DNM2: variants seen among roughly 807,000 people sequenced by gnomAD.
DNM2 encodes the protein dynamin 2.
Under a neutral mutation model 99.0 loss-of-function variants are expected in DNM2, and 15 were observed. The observed-to-expected ratio is 0.15, with a 90% CI of 0.10 to 0.23. The LOEUF is 0.23. Ranked by LOEUF, DNM2 falls within the 10% of genes least tolerant of loss-of-function variation. The pLI, the probability that DNM2 is intolerant of heterozygous loss-of-function variation, is 1.00. For missense variants in DNM2, 742 were observed against 1,189.4 expected (o/e 0.62, Z 5.53); for synonymous variants, 525 against 481.2 (o/e 1.09, Z -1.19).
At chr19:10,729,164 CAAAAAAAAAAAA>C (rs919370114) in intron 1 of DNM2, among the ~76,000 whole-genome samples, 10 of 44,426 alleles carry the variant, frequency 2.3e-4, no homozygotes, top group Non-Finnish European at 4.0e-4. Flanking sequence ...GACTCCGTCT[CAAAAAAAAAAAA>C]AAAAAAAAAA....
chr19:10,774,251 G>C (rs1412927328), intron 3 of DNM2, among the ~76,000 whole-genome samples: 1 of 152,156 alleles, frequency 6.6e-6, no homozygotes, highest in Non-Finnish European at 1.5e-5. Context: ...GTTGCAGTGA[G>C]CTATGATCAC....
At chr19:10,803,620 G>A in intron 12 of DNM2, 3 of 986,270 alleles carry the variant, frequency 3.0e-6, no homozygotes, top group Non-Finnish European at 3.6e-6. Context: ...GGATTCCTGG[G>A]CCTTCCCACT....
chr19:10,816,899 C>A lies in DNM2; in HGVS notation c.1672-3081C>A, dbSNP rs2146136376. On this transcript the variant is annotated intron_variant, in intron 15 of 20. Transcript: ENST00000389253. The surrounding 1 kb of genome is among the most constrained non-coding windows in gnomAD (Gnocchi z 4.6). The stretch of plus-strand genomic sequence containing the variant: ...GAGTTGAAAGCCAGAGCCCCCGACC[C>A]TCCCGTGGAGCCCCACACTGGAGTC... 6.6e-6 allele frequency among the ~76,000 whole-genome samples: 1 copy of A among 152,360 alleles called. No individual in the cohort carries two copies. The highest frequency in any genetic ancestry group is 1.9e-4 in the East Asian group (1 of 5,176).
At chr19:10,752,242 G>A (rs530300532) in intron 1 of DNM2, among the ~76,000 whole-genome samples, 1 of 152,198 alleles carries the variant, frequency 6.6e-6, no homozygotes, top group African/African-American at 2.4e-5. Context: ...GTGTGTATGT[G>A]TGTGTGGGGT....
At chr19:10,728,675 C>A (rs754315848) in intron 1 of DNM2, among the ~76,000 whole-genome samples, 1 of 152,132 alleles carries the variant, frequency 6.6e-6, no homozygotes, top group Non-Finnish European at 1.5e-5. Flanking sequence ...GGGGCAGGCA[C>A]AGGGGCTCAC....
In DNM2 at chr19:10,802,638, C is replaced by T. The variant is rs537060342; in HGVS notation, c.1493+280C>T. On this transcript the variant is annotated intron_variant, in intron 12 of 20. Coordinates refer to ENST00000389253, the MANE Select transcript of DNM2 (RefSeq NM_001005361.3). ...ATCTGCAGGGAGAGGGGGAAGCCAG[C>T]CAGCTGCTGCACCCCCTCTCCTTCA... The T allele has an allele frequency of 4.1e-4, 203 of 496,812 alleles. 2 individuals are homozygous for T. The highest frequency in any genetic ancestry group is 3.9e-3 in the South Asian group (192 of 49,446). 30.8% of individuals were successfully genotyped at this position (496,812 alleles called of 1,614,324 possible).
In DNM2 at chr19:10,764,351, G is replaced by A. The variant is rs1050424094; in HGVS notation, c.235+4540G>A. Among the ~76,000 whole-genome samples the A allele has an allele frequency of 2.0e-5, 3 of 152,210 alleles. No homozygotes were observed. The highest frequency in any genetic ancestry group is 1.9e-4 in the East Asian group (1 of 5,200). ...TGTCCAAAGACAGGGCCCCCAGGGCGCAGCCCACGTTCCCCTCTGGTTCCC... is the reference window on the plus strand; with the variant it reads ...TGTCCAAAGACAGGGCCCCCAGGGCACAGCCCACGTTCCCCTCTGGTTCCC... On this transcript the variant is annotated intron_variant, in intron 2 of 20. Transcript: ENST00000389253. This position sits in a 1 kb window ranked among gnomAD's most constrained non-coding sequence, Gnocchi z 4.1.
rs531170486 is a variant in DNM2, at chr19:10,831,069, C to T, written c.*22C>T. The T allele has an allele frequency of 1.5e-4, 234 of 1,585,222 alleles. 2 individuals are homozygous for T. The South Asian group carries it at 2.5e-3, about 17-fold the overall frequency. ...CTAGGCCTCGAGGGGGGCGTGCTCT[C>T]GGGGGGGCCTCACGCACCCGCGGCG... On this transcript the variant is annotated 3_prime_UTR_variant, in exon 21 of 21. Coordinates refer to ENST00000389253, the MANE Select transcript of DNM2 (RefSeq NM_001005361.3). The surrounding 1 kb of genome is among the most constrained non-coding windows in gnomAD (Gnocchi z 4.3).
At position 10,830,473 on chromosome 19, in the gene DNM2, C is replaced by T; in HGVS notation, c.2543+95C>T. 2 of 1,397,690 alleles carry T rather than the reference C, an allele frequency of 1.4e-6. No homozygotes were observed. Among genetic ancestry groups the T allele is most frequent in the Non-Finnish European group, 9.8e-7 (1 of 1,017,262 alleles). The allele number at this position is 1,397,690 out of a possible 1,614,324, so 86.6% of individuals were successfully genotyped here. On this transcript the variant is annotated intron_variant, in intron 20 of 20. Coordinates refer to ENST00000389253, the MANE Select transcript of DNM2 (RefSeq NM_001005361.3). This position sits in a 1 kb window ranked among gnomAD's most constrained non-coding sequence, Gnocchi z 4.8. ...TCCCAGTGAGCTCTCACTACGTGCC[C>T]AGCTGCTGGAGTGGAGGAATCGTCC...
At chr19:10,747,560 C>A (rs1441649095) in intron 1 of DNM2, among the ~76,000 whole-genome samples, 1 of 152,032 alleles carries the variant, frequency 6.6e-6, no homozygotes, top group Admixed American at 6.6e-5. Context: ...AGGAGTGAGG[C>A]CAGGAGTGGA....
At chr19:10,751,553 C>A (rs1312662109) in intron 1 of DNM2, among the ~76,000 whole-genome samples, 2 of 152,160 alleles carry the variant, frequency 1.3e-5, no homozygotes, top group East Asian at 3.9e-4. Flanking sequence ...TAGGGCCAGG[C>A]CCCTGCTCAC....
At chr19:10,757,897 C>T (rs1291399580) in intron 1 of DNM2, among the ~76,000 whole-genome samples, 2 of 143,642 alleles carry the variant, frequency 1.4e-5, no homozygotes, top group African/African-American at 2.6e-5. Flanking sequence ...GAGTTGAGAT[C>T]GAGCCACTGC....
intron 13 of DNM2, 136 bp from the exon 14 acceptor site, chr19:10,808,433 T>C: frequency 1.1e-6 from 1 of 890,730 alleles, no homozygotes; most frequent in Non-Finnish European, 1.7e-6. Flanking sequence ...TTTTGCTGTT[T>C]TTTCCCCTGC....
intron 2 of DNM2, among the ~76,000 whole-genome samples, chr19:10,761,693 T>C (rs1022848750): frequency 6.6e-6 from 1 of 152,176 alleles, no homozygotes; most frequent in Non-Finnish European, 1.5e-5. Context: ...GCCTTTCCAA[T>C]GGGCCCCAGA....
At chr19:10,784,508 G>A (rs937730159) in intron 6 of DNM2, among the ~76,000 whole-genome samples, 1 of 152,172 alleles carries the variant, frequency 6.6e-6, no homozygotes, top group Non-Finnish European at 1.5e-5. Context: ...GGCCTCCAGG[G>A]AGCCTGGAGG....
At chr19:10,787,611 C>T (rs531306675) in intron 7 of DNM2, among the ~76,000 whole-genome samples, 14 of 151,678 alleles carry the variant, frequency 9.2e-5, no homozygotes, top group South Asian at 4.2e-4. Flanking sequence ...AAAAATTAGC[C>T]GGGCGCGGTG....
intron 10 of DNM2, 34 bp downstream of exon 10, chr19:10,797,552 C>T: frequency 3.1e-6 from 5 of 1,613,330 alleles, no homozygotes; most frequent in Non-Finnish European, 4.2e-6. Context: ...CGCATTTGTC[C>T]CCGTCCTCCC....
Position 10,772,333 on chromosome 19 carries a change from CCTCCCAAAGTG to C in DNM2, c.236-143_236-133del. On this transcript the variant is annotated intron_variant, in intron 2 of 20. Coordinates refer to ENST00000389253, the MANE Select transcript of DNM2 (RefSeq NM_001005361.3). This position sits in a 1 kb window ranked among gnomAD's most constrained non-coding sequence, Gnocchi z 4.9. Reference sequence around the variant, plus strand: ...TGACCTTGTGATCTGCCCACCTCTGCCTCCCAAAGTGCTGGGATTACAGGCGTGAGCTACTG... The same window carrying C: ...TGACCTTGTGATCTGCCCACCTCTGCCTGGGATTACAGGCGTGAGCTACTG... 9.8e-7 allele frequency: 1 copy of C among 1,020,432 alleles called. No individual in the cohort carries two copies. The highest frequency in any genetic ancestry group is 1.5e-6 in the Non-Finnish European group (1 of 663,276). 63.2% of individuals were successfully genotyped at this position (1,020,432 alleles called of 1,614,324 possible). A position where few individuals can be genotyped will look rare whatever the true frequency, so the allele number is the denominator to read the frequency against.
chr19:10,793,583 T>A, intron 7 of DNM2, 137 bp from the exon 8 acceptor site: 1 of 1,523,740 alleles, frequency 6.6e-7, no homozygotes, highest in Non-Finnish European at 9.1e-7. Context: ...TTGGTTTATT[T>A]GTCTTAATAT....
Sources: gnomAD v4.1 joint callset for allele counts (sites outside exome capture counted in the v4.1 genomes callset) on GRCh38, gnomAD v4.1.1 for gene constraint, Gnocchi (gnomAD v3.1) non-coding constraint, MANE v1.5 for transcripts, NCBI Gene and HGNC (gene_info 2026-07-23, HGNC 2026-07-21) for gene names.